The following HPSE2 variants were observed in gnomAD, a reference collection of about 807,000 sequenced individuals.
HPSE2 encodes inactive heparanase-2.
A neutral mutation model predicts 60.5 loss-of-function variants in HPSE2; 38 were observed. The observed-to-expected ratio is 0.63, with a 90% CI of 0.48 to 0.82. HPSE2 has a LOEUF of 0.82. Ranked by LOEUF, HPSE2 falls within the 40% of genes least tolerant of loss-of-function variation. HPSE2 has a pLI of 0.00. For missense variants in HPSE2, 713 were observed against 740.4 expected (o/e 0.96, Z 0.43); for synonymous variants, 295 against 293.2 (o/e 1.01, Z -0.06).
At chr10:98,881,126 T>C (rs1273269235) in intron 3 of HPSE2, among the ~76,000 whole-genome samples, 1 of 152,080 alleles carries the variant, frequency 6.6e-6, no homozygotes, top group Non-Finnish European at 1.5e-5. Flanking sequence ...CCTTTCTCTA[T>C]AGTCTCTGGC....
intron 2 of HPSE2, among the ~76,000 whole-genome samples, chr10:99,167,051 C>A (rs2133790035): frequency 6.6e-6 from 1 of 151,720 alleles, no homozygotes; most frequent in Admixed American, 6.6e-5. Context: ...TGCTCTGTTG[C>A]CCAGGCTGGA....
At position 99,050,039 on chromosome 10, in the gene HPSE2, C is replaced by T. The variant is rs1957953425; in HGVS notation, c.610+94199G>A. Among the ~76,000 whole-genome samples the T allele has an allele frequency of 2.0e-5, 3 of 152,160 alleles. No individual in the cohort carries two copies. In the South Asian group the frequency reaches 6.2e-4, roughly 32 times the overall value. On this transcript the variant is annotated intron_variant, in intron 3 of 11. Coordinates refer to ENST00000370552, the MANE Select transcript of HPSE2 (RefSeq NM_021828.5). Reference sequence around the variant, plus strand: ...GTAAGCTGGGCACAGTGGCTGAGGCCTATAATTCCAGCACTTTGGGAGGCC... The same window carrying T: ...GTAAGCTGGGCACAGTGGCTGAGGCTTATAATTCCAGCACTTTGGGAGGCC...
intron 6 of HPSE2, among the ~76,000 whole-genome samples, chr10:98,683,968 T>C (rs557575680): frequency 8.9e-4 from 136 of 152,208 alleles, no homozygotes; most frequent in Non-Finnish European, 1.1e-3. Context: ...GATTTCTCAA[T>C]AGTTAAAGGA....
chr10:98,944,874 G>A (rs1023517721), intron 3 of HPSE2, among the ~76,000 whole-genome samples: 7 of 152,062 alleles, frequency 4.6e-5, no homozygotes, highest in Admixed American at 2.0e-4. Flanking sequence ...TGGAAAGAAA[G>A]GGTACTTGAA....
intron 2 of HPSE2, among the ~76,000 whole-genome samples, chr10:99,193,416 A>C (rs1381894865): frequency 1.3e-5 from 2 of 152,118 alleles, no homozygotes; most frequent in African/African-American, 4.8e-5. Flanking sequence ...TGGCAGAAGT[A>C]AGTCCTTAGT....
intron 4 of HPSE2, among the ~76,000 whole-genome samples, chr10:98,724,989 C>T (rs11189780): frequency 6.6e-6 from 1 of 151,770 alleles, no homozygotes; most frequent in Admixed American, 6.6e-5. Flanking sequence ...AAATAAAAGA[C>T]GATACAAACA....
At position 98,966,023 on chromosome 10, in the gene HPSE2, T is replaced by G. The variant is rs182919690; in HGVS notation, c.610+178215A>C. ...CTCCTGCCTCAGCCTCCTGAGTAGC[T>G]GGGGTTACAGGTGCCTGCCACCACT... On this transcript the variant is annotated intron_variant, in intron 3 of 11. Transcript: ENST00000370552. 5.1e-3 allele frequency among the ~76,000 whole-genome samples: 778 copies of G among 152,234 alleles called. 8 individuals are homozygous for G. The highest frequency in any genetic ancestry group is 0.018 in the African/African-American group (747 of 41,548).
chr10:99,189,014 G>C (rs551789786), intron 2 of HPSE2, among the ~76,000 whole-genome samples: 2 of 152,282 alleles, frequency 1.3e-5, no homozygotes, highest in African/African-American at 4.8e-5. Flanking sequence ...CTGGCACCAA[G>C]GCAAACCAAA....
At chr10:98,952,924 G>A (rs1234168846) in intron 3 of HPSE2, among the ~76,000 whole-genome samples, 4 of 152,120 alleles carry the variant, frequency 2.6e-5, no homozygotes, top group Non-Finnish European at 5.9e-5. Context: ...TCCACATTGG[G>A]AGTTAGGGCT....
At chr10:99,143,269 G>C (rs965588561) in intron 3 of HPSE2, among the ~76,000 whole-genome samples, 1 of 152,048 alleles carries the variant, frequency 6.6e-6, no homozygotes, top group Non-Finnish European at 1.5e-5. Flanking sequence ...TGAAAAGCTG[G>C]AAGAGTCCTG....
intron 9 of HPSE2, among the ~76,000 whole-genome samples, chr10:98,590,302 G>A (rs1368122460): frequency 6.6e-6 from 1 of 152,184 alleles, no homozygotes. Context: ...AATTAGCCAA[G>A]GGTGAGGCAG....
At chr10:98,965,354 G>T (rs966765049) in intron 3 of HPSE2, among the ~76,000 whole-genome samples, 1 of 151,924 alleles carries the variant, frequency 6.6e-6, no homozygotes, top group Non-Finnish European at 1.5e-5. Flanking sequence ...GTTGGTAATT[G>T]TGTGATCTTA....
Position 98,920,891 on chromosome 10 carries a change from A to G in HPSE2, c.611-176835T>C, listed in dbSNP as rs75025387. 6.0e-3 allele frequency among the ~76,000 whole-genome samples: 920 copies of G among 152,302 alleles called. 7 individuals are homozygous for G. The highest frequency in any genetic ancestry group is 0.014 in the Middle Eastern group (4 of 294). On this transcript the variant is annotated intron_variant, in intron 3 of 11. Coordinates refer to ENST00000370552, the MANE Select transcript of HPSE2 (RefSeq NM_021828.5). Reference sequence around the variant, plus strand: ...GAGTACAACGTTCATCCACCTTCTCAGGAGAATTTGCCTTTCCTGCTGCAA... The same window carrying G: ...GAGTACAACGTTCATCCACCTTCTCGGGAGAATTTGCCTTTCCTGCTGCAA...
rs530654704 is a variant in HPSE2 at position 98,856,192 on chromosome 10, T to G, written c.611-112136A>C. Among the ~76,000 whole-genome samples, 17 of 152,084 alleles carry G rather than the reference T, an allele frequency of 1.1e-4. No individual in the cohort carries two copies. In the South Asian group the frequency reaches 3.3e-3, roughly 30 times the overall value. On this transcript the variant is annotated intron_variant, in intron 3 of 11. Coordinates refer to ENST00000370552, the MANE Select transcript of HPSE2 (RefSeq NM_021828.5). ...ATTGTTGGGCTTTCAACCAAAAAAT[T>G]TAAGACAAACAAAGAAGCAAGAAAA... is the stretch of plus-strand genomic sequence containing the variant.
chr10:98,841,808 A>ATTT (rs373906376), intron 3 of HPSE2, among the ~76,000 whole-genome samples: 10 of 143,302 alleles, frequency 7.0e-5, no homozygotes, highest in East Asian at 4.1e-4. Flanking sequence ...ATTCCTTGTA[A>ATTT]TTTTTTTTTT....
intron 2 of HPSE2, among the ~76,000 whole-genome samples, chr10:99,206,466 G>T (rs541993055): frequency 1.3e-5 from 2 of 151,406 alleles, no homozygotes; most frequent in Non-Finnish European, 2.9e-5. Flanking sequence ...GGTGGCATGC[G>T]CTATGGTCTC....
At chr10:99,011,968 T>A (rs1957028607) in intron 3 of HPSE2, among the ~76,000 whole-genome samples, 2 of 152,014 alleles carry the variant, frequency 1.3e-5, no homozygotes, top group South Asian at 4.1e-4. Flanking sequence ...CACACTATAT[T>A]CTCAGTCCTA....
chr10:98,516,273 G>A (rs74156627), intron 9 of HPSE2, among the ~76,000 whole-genome samples: 2,196 of 152,262 alleles, frequency 0.014, 51 homozygotes, highest in African/African-American at 0.046. Flanking sequence ...GCGACAGAAA[G>A]CAATTTACAC....
Position 98,687,161 on chromosome 10 carries a change from C to T in HPSE2, c.1004+6739G>A, listed in dbSNP as rs532947874. ...TCACAAACAGTAGCTTAAAGCAATC[C>T]AAATTTATTCTCTTATAGTTCCACA... is the stretch of plus-strand genomic sequence containing the variant. On this transcript the variant is annotated intron_variant, in intron 6 of 11. Transcript: ENST00000370552. Among the ~76,000 whole-genome samples, 29 of 152,166 alleles carry T rather than the reference C, an allele frequency of 1.9e-4. No homozygotes were observed. In the South Asian group the frequency reaches 6.0e-3, roughly 32 times the overall value.
Sources: gnomAD v4.1 joint callset for allele counts (sites outside exome capture counted in the v4.1 genomes callset) on GRCh38, gnomAD v4.1.1 for gene constraint, MANE v1.5 for transcripts, NCBI Gene and HGNC (gene_info 2026-07-23, HGNC 2026-07-21) for gene names.